Variants in KRT15 observed in about 807,000 individuals in gnomAD.
The protein encoded by KRT15 is keratin 15.
A neutral mutation model predicts 46.6 loss-of-function variants in KRT15; 45 were observed. That is an observed-to-expected ratio of 0.97 (90% CI 0.76 to 1.24). The LOEUF (loss-of-function observed/expected upper bound fraction) is 1.24. Ranked by LOEUF, KRT15 falls within the 50% of genes most tolerant of loss-of-function variation. The pLI, the probability that KRT15 is intolerant of heterozygous loss-of-function variation, is 0.00. For synonymous variants in KRT15, 221 were observed against 233.8 expected (o/e 0.95, Z 0.50); for missense variants, 592 against 588.9 (o/e 1.01, Z -0.05).
rs200359694 is a variant in KRT15, at chr17:41,517,137, C to T, written c.527G>A (p.Arg176Gln). The stretch of plus-strand genomic sequence containing the variant: ...GGCATTGTCGATCTCCAGGATGACC[C>T]GGGAGTTGTCGATGGTGGTGGCCAT... ...KIMATTIDNS[R>Q]VILEIDNARL... The change falls in exon 2 of 8, where the codon CGG becomes CAG. Residue 176 changes from arginine to glutamine, a missense_variant. Arg to Gln is a conservative substitution (Grantham distance 43). Coordinates refer to ENST00000254043, the MANE Select transcript of KRT15 (RefSeq NM_002275.4). 10 of 1,614,116 alleles carry T rather than the reference C, an allele frequency of 6.2e-6. No individual in the cohort carries two copies. In the East Asian group the frequency reaches 6.7e-5, roughly 11 times the overall value.
chr17:41,517,670 G>C (rs1467639695), intron 1 of KRT15: 1 of 175,012 alleles, frequency 5.7e-6, no homozygotes, highest in East Asian at 1.4e-4. Flanking sequence ...GAGTAAAATG[G>C]TGAGTGAGTG....
chr17:41,515,215 T>A, intron 6 of KRT15: 1 of 537,146 alleles, frequency 1.9e-6, no homozygotes, highest in Non-Finnish European at 3.4e-6. Context: ...GAGAATGGAA[T>A]GAGCACTAGA....
At position 41,514,446 on chromosome 17, in the gene KRT15, T is replaced by G. The variant is rs1424653246; in HGVS notation, c.1273+203A>C. 3 of 610,098 alleles carry G rather than the reference T, an allele frequency of 4.9e-6. No individual in the cohort carries two copies. The South Asian group carries it at 6.0e-5, about 12-fold the overall frequency. 37.8% of individuals were successfully genotyped at this position (610,098 alleles called of 1,614,324 possible). A position where few individuals can be genotyped will look rare whatever the true frequency, so the allele number is the denominator to read the frequency against. ...TGCCCTGAATGAAGCCTACTCAACC[T>G]GGAAGTTTCTCAATAAATCACCAGC... On this transcript the variant is annotated intron_variant, in intron 7 of 7. Transcript: ENST00000254043.
In KRT15 at chr17:41,514,347, A is replaced by G. The variant is rs1905259988; in HGVS notation, c.1274-227T>C. The G allele has an allele frequency of 6.7e-6, 4 of 600,868 alleles. No individual in the cohort carries two copies. In the East Asian group the frequency reaches 1.1e-4, roughly 17 times the overall value. 37.2% of individuals were successfully genotyped at this position (600,868 alleles called of 1,614,324 possible). On this transcript the variant is annotated intron_variant, in intron 7 of 7. Transcript: ENST00000254043. Reference sequence around the variant, plus strand: ...GGAGCAACAATGTCAGGGTTTTTCAAGCTGCACATGAAGGGGGATGAATTG... The same window carrying G: ...GGAGCAACAATGTCAGGGTTTTTCAGGCTGCACATGAAGGGGGATGAATTG...
rs373600329 is a variant in KRT15, at chr17:41,518,365, G to A, written c.463C>T (p.Gln155Ter). 5.0e-6 allele frequency: 8 copies of A among 1,613,896 alleles called. No individual in the cohort carries two copies. Among genetic ancestry groups the A allele is most frequent in the Non-Finnish European group, 6.8e-6 (8 of 1,179,916 alleles). Residue 155 changes from glutamine to a stop codon, truncating the protein, a stop_gained, in exon 1 of 8, where the codon CAA becomes TAA. Coordinates refer to ENST00000254043, the MANE Select transcript of KRT15 (RefSeq NM_002275.4). LOFTEE classifies it high-confidence loss of function. ...TPTSPECDYS[Q>*]YFKTIEELRD... ...AGCTCTTCAATGGTCTTGAAGTATTGGCTGTAGTCGCATTCTGGGCTGGTT... is the reference window on the plus strand; with the variant it reads ...AGCTCTTCAATGGTCTTGAAGTATTAGCTGTAGTCGCATTCTGGGCTGGTT...
chr17:41,516,363 C>T, intron 3 of KRT15, 98 bp from the exon 4 acceptor site: 1 of 1,295,058 alleles, frequency 7.7e-7, no homozygotes, highest in Non-Finnish European at 1.1e-6. Context: ...CCGTAACACA[C>T]CCCAACCGCT....
At position 41,514,079 on chromosome 17, in the gene KRT15, T is replaced by C. The variant is rs1470279611; in HGVS notation, c.1315A>G (p.Asn439Asp). ...GGGSSSNFHI[N>D]VEESVDGQVV... Reference sequence around the variant, plus strand: ...TGTCCATCCACTGACTCTTCTACATTGATGTGGAAATTGCTGCTGCTACCA... The same window carrying C: ...TGTCCATCCACTGACTCTTCTACATCGATGTGGAAATTGCTGCTGCTACCA... The change falls in exon 8 of 8, where the codon AAT (asparagine) becomes GAT (aspartate). Residue 439 changes from asparagine (N) to aspartate (D), a missense_variant. Asn to Asp is a conservative substitution (Grantham distance 23). Transcript: ENST00000254043. 1 of 1,614,104 alleles carries C rather than the reference T, an allele frequency of 6.2e-7. No individual in the cohort carries two copies. The highest frequency in any genetic ancestry group is 1.1e-5 in the South Asian group (1 of 91,084).
In KRT15 at chr17:41,515,868, G is replaced by T. The variant is rs755047067; in HGVS notation, c.1026+17C>A. The T allele has an allele frequency of 3.5e-5, 57 of 1,613,842 alleles. 1 individual carries two copies. In the South Asian group the frequency reaches 5.8e-4, roughly 16 times the overall value. ...TCTACCACCCGAGAGGCTGGGATGG[G>T]GCGCGAGTGGCCGTACCATGCTGAG... is the stretch of plus-strand genomic sequence containing the variant. On this transcript the variant is annotated intron_variant, in intron 5 of 7. Transcript: ENST00000254043.
rs1009460597 is a variant in KRT15 at position 41,514,813 on chromosome 17, G to A, written c.1248-139C>T. Reference sequence around the variant, plus strand: ...ACACATCTGACTCCTCTAGGGGTGGGACATCCTGCTAGCCCATCCAGGCCT... The same window carrying A: ...ACACATCTGACTCCTCTAGGGGTGGAACATCCTGCTAGCCCATCCAGGCCT... On this transcript the variant is annotated intron_variant, in intron 6 of 7. Transcript: ENST00000254043. 8 of 763,228 alleles carry A rather than the reference G, an allele frequency of 1.0e-5. No individual in the cohort carries two copies. The African/African-American group carries it at 1.4e-4, about 13-fold the overall frequency. 47.3% of individuals were successfully genotyped at this position (763,228 alleles called of 1,614,324 possible).
At position 41,515,946 on chromosome 17, in the gene KRT15, A is replaced by C; in HGVS notation, c.965T>G (p.Ile322Ser). The C allele has an allele frequency of 6.2e-7, 1 of 1,613,936 alleles. No homozygotes were observed. Among genetic ancestry groups the C allele is most frequent in the African/African-American group, 1.3e-5 (1 of 74,936 alleles). ...TEMIQTSKTE[I>S]TDLRRTMQEL... The stretch of plus-strand genomic sequence containing the variant: ...CTGCATCGTGCGTCTCAGGTCTGTG[A>C]TCTCCGTCTTGCTGGTCTGGATCAT... Residue 322 changes from isoleucine to serine, a missense_variant, in exon 5 of 8, where the codon ATC (isoleucine) becomes AGC (serine). Coordinates refer to ENST00000254043, the MANE Select transcript of KRT15 (RefSeq NM_002275.4).
chr17:41,518,053 T>G (rs1193291842), intron 1 of KRT15, among the ~76,000 whole-genome samples: 2 of 152,082 alleles, frequency 1.3e-5, no homozygotes, highest in South Asian at 2.1e-4. Context: ...AGCTACTGCC[T>G]CTGGCTCTTT....
Position 41,513,857 on chromosome 17 carries a change from G to T in KRT15, c.*166C>A. ...TCCAAAGAAGGTGGGGAGAGGCAGA[G>T]GGGGAATAGAGCGCATGCAAAGCCC... On this transcript the variant is annotated 3_prime_UTR_variant, in exon 8 of 8. Transcript: ENST00000254043. 1.6e-6 allele frequency: 1 copy of T among 632,058 alleles called. No individual in the cohort carries two copies. The highest frequency in any genetic ancestry group is 2.9e-6 in the Non-Finnish European group (1 of 347,708). The allele number at this position is 632,058 out of a possible 1,614,324, so 39.2% of individuals were successfully genotyped here.
intron 2 of KRT15, 47 bp from the exon 3 acceptor site, chr17:41,517,011 C>T (rs1324702321): frequency 6.2e-7 from 1 of 1,614,078 alleles, no homozygotes; most frequent in Non-Finnish European, 8.5e-7. Flanking sequence ...GTCTTGGCTG[C>T]CTGAGTCAGA....
intron 3 of KRT15, 108 bp downstream of exon 3, chr17:41,516,700 G>C: frequency 1.5e-6 from 2 of 1,315,806 alleles, no homozygotes; most frequent in Non-Finnish European, 2.1e-6. Flanking sequence ...TGAAAATCTG[G>C]GAGGGCTTCC....
At position 41,516,262 on chromosome 17, in the gene KRT15, T is replaced by A. The variant is rs753216610; in HGVS notation, c.742A>T (p.Met248Leu). 6.2e-7 allele frequency: 1 copy of A among 1,612,504 alleles called. No homozygotes were observed. The highest frequency in any genetic ancestry group is 8.5e-7 in the Non-Finnish European group (1 of 1,179,328). The change falls in exon 4 of 8, where the codon ATG becomes TTG. Residue 248 changes from methionine to leucine, a missense_variant. Coordinates refer to ENST00000254043, the MANE Select transcript of KRT15 (RefSeq NM_002275.4). ...GCCAGCTGGCTGCTGAACTCCTTCA[T>A]CTCCTGCAGGATGGGAGGGACCCAC... ...AYLKKNHEEE[M>L]KEFSSQLAGQ...
intron 1 of KRT15, chr17:41,517,581 A>G (rs1310856238): frequency 4.5e-6 from 1 of 224,208 alleles, no homozygotes; most frequent in African/African-American, 2.2e-5. Context: ...ACAGCCATGG[A>G]TCTACAGAAC....
intron 6 of KRT15, chr17:41,515,034 T>C (rs1905287909): frequency 3.6e-6 from 1 of 276,768 alleles, no homozygotes; most frequent in South Asian, 5.0e-5. Flanking sequence ...GCCCAGCTAA[T>C]TTTTGTATTT....
chr17:41,513,978 A>C lies in KRT15; in HGVS notation c.*45T>G. The stretch of plus-strand genomic sequence containing the variant: ...TCTGGCCAGTCCTCCACTTGGCCTG[A>C]TGAGAGTGGGGAGTGGCAAGGGACG... On this transcript the variant is annotated 3_prime_UTR_variant, in exon 8 of 8. Transcript: ENST00000254043. 7.0e-7 allele frequency: 1 copy of C among 1,419,470 alleles called. No homozygotes were observed. Among genetic ancestry groups the C allele is most frequent in the Non-Finnish European group, 1.0e-6 (1 of 1,002,728 alleles). 87.9% of individuals were successfully genotyped at this position (1,419,470 alleles called of 1,614,324 possible).
At chr17:41,514,795 T>G (rs529942876) in intron 6 of KRT15, 121 bp from the exon 7 acceptor site, 2 of 887,920 alleles carry the variant, frequency 2.3e-6, no homozygotes, top group Non-Finnish European at 3.6e-6. Context: ...CCCACACATC[T>G]GACTCCTCTA....
Sources: gnomAD v4.1 joint callset for allele counts (sites outside exome capture counted in the v4.1 genomes callset) on GRCh38, gnomAD v4.1.1 for gene constraint, MANE v1.5 for transcripts, NCBI Gene and HGNC (gene_info 2026-07-23, HGNC 2026-07-21) for gene names.